SF3A1: variants seen among roughly 807,000 people sequenced by gnomAD.
SF3A1 encodes the protein splicing factor 3a subunit 1, also known as SAP 114.
Under a neutral mutation model 89.9 loss-of-function variants are expected in SF3A1, and 13 were observed. The ratio of observed to expected loss-of-function variants is 0.14; its 90% CI spans 0.09 to 0.23. The LOEUF (loss-of-function observed/expected upper bound fraction) is 0.23. Ranked by LOEUF, SF3A1 falls within the 10% of genes least tolerant of loss-of-function variation. The pLI is 1.00. For missense variants in SF3A1, 604 were observed against 1,022.1 expected (o/e 0.59, Z 5.58); for synonymous variants, 405 against 374.4 (o/e 1.08, Z -0.94).
At chr22:30,335,986 C>T (rs959356981) in intron 13 of SF3A1, among the ~76,000 whole-genome samples, 6 of 152,142 alleles carry the variant, frequency 3.9e-5, no homozygotes, top group African/African-American at 1.4e-4. Context: ...GAGTCTGGAG[C>T]TAAACTGAAG....
Position 30,337,901 on chromosome 22 carries a change from T to C in SF3A1, c.1744-4A>G, listed in dbSNP as rs773551550. The C allele has an allele frequency of 2.5e-6, 4 of 1,597,304 alleles. No homozygotes were observed. Among genetic ancestry groups the C allele is most frequent in the South Asian group, 1.1e-5 (1 of 87,572 alleles). On this transcript the variant is annotated splice_region_variant and splice_polypyrimidine_tract_variant and intron_variant, in intron 11 of 15. Coordinates refer to ENST00000215793, the MANE Select transcript of SF3A1 (RefSeq NM_005877.6). ...TAGTACGAACTGGAGGTGGCATCTG[T>C]GCAGGAAAGAGACCCACAGATTACA... is the stretch of plus-strand genomic sequence containing the variant.
intron 7 of SF3A1, among the ~76,000 whole-genome samples, chr22:30,341,367 G>T (rs1488541975): frequency 1.3e-5 from 2 of 152,226 alleles, no homozygotes; most frequent in Non-Finnish European, 2.9e-5. Context: ...TTGGAGCCCA[G>T]CTGAGAGCTC....
intron 12 of SF3A1, among the ~76,000 whole-genome samples, 165 bp from the exon 13 acceptor site, chr22:30,337,345 C>T (rs1211645027): frequency 6.6e-6 from 1 of 152,114 alleles, no homozygotes; most frequent in Non-Finnish European, 1.5e-5. Flanking sequence ...GGCAAGGGGA[C>T]CTGGGAGGCT....
chr22:30,344,664 C>A (rs5753081), intron 4 of SF3A1, among the ~76,000 whole-genome samples: 1 of 152,220 alleles, frequency 6.6e-6, no homozygotes, highest in Non-Finnish European at 1.5e-5. Context: ...GCAAGCACCA[C>A]GTGGCCTTGT....
chr22:30,340,657 C>G, intron 8 of SF3A1, 38 bp downstream of exon 8: 1 of 1,331,256 alleles, frequency 7.5e-7, no homozygotes, highest in South Asian at 1.2e-5. Flanking sequence ...ACAGGACTTC[C>G]TGGGCAGCCC....
intron 15 of SF3A1, 150 bp downstream of exon 15, chr22:30,335,317 C>G: frequency 1.4e-6 from 1 of 720,720 alleles, no homozygotes; most frequent in East Asian, 2.5e-5. Flanking sequence ...CCCCAACACT[C>G]CCAGCCAGCA....
intron 3 of SF3A1, 79 bp downstream of exon 3, chr22:30,346,233 G>A: frequency 1.0e-6 from 1 of 960,560 alleles, no homozygotes; most frequent in Non-Finnish European, 1.6e-6. Flanking sequence ...GTGAGATTTG[G>A]AGTTAATTGT....
rs1931117214 is a variant in SF3A1 at position 30,337,760 on chromosome 22, G to A, written c.1881C>T (p.Asn627=). 6.3e-7 allele frequency: 1 copy of A among 1,585,258 alleles called. No individual in the cohort carries two copies. Among genetic ancestry groups the A allele is most frequent in the South Asian group, 1.2e-5 (1 of 86,410 alleles). The change falls in exon 12 of 16, where the codon AAC becomes AAT. Residue 627 remains asparagine, a synonymous_variant. Transcript: ENST00000215793. ...MPPIIHAPRI[N]VVPMPPSAPP... ...GGGCCGAGGGAGGCATGGGCACCAC[G>A]TTGATTCTGGGCGCGTGGATGATGG...
In SF3A1 at chr22:30,344,995, A is replaced by G; in HGVS notation, c.589T>C (p.Phe197Leu). ...QKEQRNYQFDFLRPQHSLFNY... is the reference protein window; with the variant it reads ...QKEQRNYQFDLLRPQHSLFNY... The stretch of plus-strand genomic sequence containing the variant: ...AAGAGGCTGTGCTGTGGGCGGAGAA[A>G]GTCAAACTGGTAGTTGCGCTGCTCT... Residue 197 changes from phenylalanine to leucine, a missense_variant, in exon 4 of 16, where the codon TTT (phenylalanine) becomes CTT (leucine). Phe to Leu is a conservative substitution (Grantham distance 22). Coordinates refer to ENST00000215793, the MANE Select transcript of SF3A1 (RefSeq NM_005877.6). 6.2e-7 allele frequency: 1 copy of G among 1,614,214 alleles called. No homozygotes were observed. Among genetic ancestry groups the G allele is most frequent in the East Asian group, 2.2e-5 (1 of 44,884 alleles).
Position 30,340,320 on chromosome 22 carries a change from C to T in SF3A1, c.1251G>A (p.Gly417=). The change falls in exon 9 of 16, where the codon GGG becomes GGA. Residue 417 remains glycine, a synonymous_variant. Transcript: ENST00000215793. ...GCATTTTGCTGGCGGGGATCTTCTCCCCAGTAATGGGGGACACAAGATACT... is the reference window on the plus strand; with the variant it reads ...GCATTTTGCTGGCGGGGATCTTCTCTCCAGTAATGGGGGACACAAGATACT... ...PDEYLVSPIT[G]EKIPASKMQE... is the part of the protein sequence containing the mutation. 2 of 1,612,712 alleles carry T rather than the reference C, an allele frequency of 1.2e-6. No homozygotes were observed. The highest frequency in any genetic ancestry group is 1.1e-5 in the South Asian group (1 of 90,852).
intron 7 of SF3A1, 71 bp downstream of exon 7, chr22:30,341,620 TG>T: frequency 7.7e-7 from 1 of 1,298,344 alleles, no homozygotes; most frequent in Non-Finnish European, 1.1e-6. Flanking sequence ...TGGATCTGAC[TG>T]GTGGAGAGCA....
chr22:30,342,380 C>T (rs373191016), intron 5 of SF3A1, 30 bp from the exon 6 acceptor site: 86 of 1,571,012 alleles, frequency 5.5e-5, no homozygotes, highest in Admixed American at 4.1e-4. Flanking sequence ...CTTGGTGCTA[C>T]GCTGAAGCAG....
At chr22:30,346,693 A>G (rs765725579) in intron 2 of SF3A1, among the ~76,000 whole-genome samples, 174 bp from the exon 3 acceptor site, 1 of 152,140 alleles carries the variant, frequency 6.6e-6, no homozygotes, top group Non-Finnish European at 1.5e-5. Flanking sequence ...CATCTGCCTC[A>G]TTCAGCTTGA....
At position 30,349,231 on chromosome 22, in the gene SF3A1, T is replaced by G. The variant is rs145746336; in HGVS notation, c.186-2712A>C. On this transcript the variant is annotated intron_variant, in intron 2 of 15. Transcript: ENST00000215793. Reference sequence around the variant, plus strand: ...CAGAGTTCTGCATGCCTGCTTTAACTCGGATATTGGTCTCTTTGTTGCAAT... The same window carrying G: ...CAGAGTTCTGCATGCCTGCTTTAACGCGGATATTGGTCTCTTTGTTGCAAT... 2.0e-4 allele frequency among the ~76,000 whole-genome samples: 31 copies of G among 152,352 alleles called. No individual in the cohort carries two copies. The East Asian group carries it at 5.8e-3, about 28-fold the overall frequency.
At chr22:30,349,212 T>C (rs1284955232) in intron 2 of SF3A1, among the ~76,000 whole-genome samples, 5 of 152,254 alleles carry the variant, frequency 3.3e-5, no homozygotes, top group Non-Finnish European at 7.3e-5. Context: ...AGCACAGAGT[T>C]CTGCATGCCT....
chr22:30,339,092 G>C, intron 10 of SF3A1, 38 bp downstream of exon 10: 2 of 1,613,966 alleles, frequency 1.2e-6, no homozygotes, highest in Non-Finnish European at 1.7e-6. Flanking sequence ...ATGGAAGACG[G>C]GGGGCAGAGA....
At chr22:30,352,819 G>A in intron 2 of SF3A1, 132 bp downstream of exon 2, 2 of 1,049,000 alleles carry the variant, frequency 1.9e-6, no homozygotes, top group Non-Finnish European at 2.8e-6. Flanking sequence ...CTACCCCAGT[G>A]CCATGTTGTG....
At chr22:30,336,908 G>T in intron 13 of SF3A1, 118 bp downstream of exon 13, 1 of 1,185,490 alleles carries the variant, frequency 8.4e-7, no homozygotes, top group Non-Finnish European at 1.2e-6. Context: ...TCCAACAGCT[G>T]ACCTAGGCCC....
intron 1 of SF3A1, among the ~76,000 whole-genome samples, chr22:30,355,972 C>G (rs1012185424): frequency 6.6e-6 from 1 of 152,186 alleles, no homozygotes; most frequent in East Asian, 1.9e-4. Flanking sequence ...ACCTCTCACT[C>G]TTGTGGGCTT....
Sources: gnomAD v4.1 joint callset for allele counts (sites outside exome capture counted in the v4.1 genomes callset) on GRCh38, gnomAD v4.1.1 for gene constraint, MANE v1.5 for transcripts, NCBI Gene and HGNC (gene_info 2026-07-23, HGNC 2026-07-21) for gene names.